The following ZNF385D variants were observed in gnomAD, a reference collection of about 807,000 sequenced individuals.
ZNF385D encodes zinc finger protein 385D.
A neutral mutation model predicts 35.8 loss-of-function variants in ZNF385D; 15 were observed. The observed-to-expected ratio is 0.42, with a 90% CI of 0.28 to 0.64. ZNF385D has a LOEUF of 0.64. Ranked by LOEUF, ZNF385D falls within the 30% of genes least tolerant of loss-of-function variation. The pLI is 0.23. For synonymous variants in ZNF385D, 212 were observed against 186.8 expected, an observed-to-expected ratio of 1.13 and a Z score of -1.10; for missense variants, 474 against 494.6, an observed-to-expected ratio of 0.96 and a Z score of 0.39.
intron 1 of ZNF385D, among the ~76,000 whole-genome samples, chr3:21,725,962 C>G (rs1026539730): frequency 1.3e-5 from 2 of 152,138 alleles, no homozygotes; most frequent in African/African-American, 4.8e-5. Context: ...AGCAGCACAT[C>G]AAAAAGTTTA....
intron 3 of ZNF385D, among the ~76,000 whole-genome samples, chr3:22,141,649 C>A (rs988821472): frequency 6.7e-6 from 1 of 150,190 alleles, no homozygotes; most frequent in Non-Finnish European, 1.5e-5. Context: ...GGTTAAGAAC[C>A]AAAAGCACCG....
intron 3 of ZNF385D, among the ~76,000 whole-genome samples, chr3:22,047,048 A>T (rs1438556047): frequency 6.6e-6 from 1 of 152,136 alleles, no homozygotes; most frequent in Non-Finnish European, 1.5e-5. Flanking sequence ...TATACCAGTA[A>T]CTGGACTACA....
chr3:21,555,639 G>C (rs888726551), intron 3 of ZNF385D, among the ~76,000 whole-genome samples: 6 of 152,158 alleles, frequency 3.9e-5, no homozygotes, highest in Non-Finnish European at 7.3e-5. Flanking sequence ...TTGGTTCCAA[G>C]TCTTTGCTAT....
chr3:22,186,771 G>C (rs561751028), intron 2 of ZNF385D, among the ~76,000 whole-genome samples: 20 of 152,182 alleles, frequency 1.3e-4, no homozygotes, highest in African/African-American at 4.6e-4. Context: ...TTCAAAAGAA[G>C]TATTTAGAGT....
chr3:21,586,081 C>T (rs1166451450), intron 2 of ZNF385D, among the ~76,000 whole-genome samples: 2 of 151,956 alleles, frequency 1.3e-5, no homozygotes, highest in Non-Finnish European at 2.9e-5. Context: ...TGGCACGCAC[C>T]TGTAGGCCCA....
At chr3:21,691,086 C>T (rs182480064) in intron 1 of ZNF385D, among the ~76,000 whole-genome samples, 4 of 152,208 alleles carry the variant, frequency 2.6e-5, no homozygotes, top group Non-Finnish European at 5.9e-5. Context: ...TAGCCTGGAC[C>T]ACATGGTCAA....
At chr3:21,466,236 A>G (rs1382221847) in intron 4 of ZNF385D, among the ~76,000 whole-genome samples, 1 of 152,136 alleles carries the variant, frequency 6.6e-6, no homozygotes, top group African/African-American at 2.4e-5. Context: ...TGACCTTAAT[A>G]TGGTTTATAA....
intron 3 of ZNF385D, among the ~76,000 whole-genome samples, chr3:22,008,242 A>G (rs259454): frequency 0.48 from 73,404 of 151,870 alleles, 18,313 homozygotes; most frequent in African/African-American, 0.58. Context: ...CTTGTCATCA[A>G]AGGGAGATGA....
intron 3 of ZNF385D, among the ~76,000 whole-genome samples, chr3:21,876,932 G>C (rs796493631): frequency 1.4e-4 from 22 of 152,186 alleles, no homozygotes; most frequent in African/African-American, 4.8e-4. Context: ...CCATTAAGCA[G>C]AGAAGCACTT....
chr3:22,349,723 T>C (rs1453837168), intron 2 of ZNF385D, among the ~76,000 whole-genome samples: 2 of 152,170 alleles, frequency 1.3e-5, no homozygotes, highest in East Asian at 1.9e-4. Flanking sequence ...GACACATGAA[T>C]TTTTATGCAG....
intron 3 of ZNF385D, among the ~76,000 whole-genome samples, chr3:22,017,338 T>C (rs912853428): frequency 1.3e-5 from 2 of 152,032 alleles, no homozygotes; most frequent in East Asian, 3.9e-4. Context: ...TATTTTATAT[T>C]AGCAATGCTA....
rs139517467 is a variant in ZNF385D at position 22,072,684 on chromosome 3, A to G, written c.325+96133T>C. Among the ~76,000 whole-genome samples, 958 of 151,894 alleles carry G rather than the reference A, an allele frequency of 6.3e-3. 11 individuals are homozygous for G. Among genetic ancestry groups the G allele is most frequent in the African/African-American group, 0.022 (907 of 41,438 alleles). On this transcript the variant is annotated intron_variant, in intron 3 of 5. Coordinates refer to the ZNF385D transcript ENST00000494108. The stretch of plus-strand genomic sequence containing the variant: ...AAGGAATGGAGAAATGGAGAAAAGG[A>G]GAAAGAGGGAGAAAGGGAGAAAGAG...
At chr3:21,441,268 C>G (rs886861481) in intron 4 of ZNF385D, among the ~76,000 whole-genome samples, 1 of 152,040 alleles carries the variant, frequency 6.6e-6, no homozygotes, top group Admixed American at 6.6e-5. Context: ...AGCTAATCAT[C>G]GTGGAAGCAC....
chr3:21,481,422 C>T (rs1704619944), intron 4 of ZNF385D, among the ~76,000 whole-genome samples: 1 of 152,176 alleles, frequency 6.6e-6, no homozygotes, highest in South Asian at 2.1e-4. Context: ...ACACATTCTC[C>T]TCTAAAATGC....
chr3:22,082,310 T>G (rs944740954), intron 3 of ZNF385D, among the ~76,000 whole-genome samples: 1 of 152,092 alleles, frequency 6.6e-6, no homozygotes, highest in Non-Finnish European at 1.5e-5. Flanking sequence ...AGGGAAGCCA[T>G]GACAGACAGT....
intron 3 of ZNF385D, among the ~76,000 whole-genome samples, chr3:21,531,725 C>T (rs1417372865): frequency 3.3e-5 from 5 of 152,190 alleles, no homozygotes; most frequent in Middle Eastern, 3.4e-3. Flanking sequence ...AAAGATTACA[C>T]GTTGCCAAGG....
chr3:21,759,790 A>G (rs1000754001), intron 3 of ZNF385D, among the ~76,000 whole-genome samples: 1 of 152,210 alleles, frequency 6.6e-6, no homozygotes, highest in Non-Finnish European at 1.5e-5. Flanking sequence ...TTGCCTTTAA[A>G]AAAAGAGATT....
At chr3:21,475,894 G>A (rs185598305) in intron 4 of ZNF385D, among the ~76,000 whole-genome samples, 35 of 152,004 alleles carry the variant, frequency 2.3e-4, no homozygotes, top group Admixed American at 2.2e-3. Context: ...TATTTCCAGT[G>A]CATTATTATG....
At chr3:21,852,426 C>T (rs1317777221) in intron 3 of ZNF385D, among the ~76,000 whole-genome samples, 1 of 151,902 alleles carries the variant, frequency 6.6e-6, no homozygotes, top group Non-Finnish European at 1.5e-5. Flanking sequence ...TAATAGACAG[C>T]ATTCATTTAA....
Sources: allele counts gnomAD v4.1 joint callset (sites outside exome capture counted in the v4.1 genomes callset), GRCh38; gene constraint gnomAD v4.1.1; transcripts MANE v1.5; gene names NCBI Gene and HGNC (gene_info 2026-07-23, HGNC 2026-07-21).